Variants in DPF3 observed in about 807,000 individuals in gnomAD.
DPF3 encodes the protein zinc finger protein DPF3.
In DPF3, 18 loss-of-function variants were observed where a neutral mutation model predicts 56.8. The ratio of observed to expected loss-of-function variants is 0.32; its 90% confidence interval spans 0.22 to 0.47. DPF3 has a LOEUF of 0.47. DPF3 is among the 20% of genes least tolerant of loss of function. The pLI is 1.00. For synonymous variants in DPF3, 188 were observed against 180.2 expected, an observed-to-expected ratio of 1.04 and a Z score of -0.35; for missense variants, 403 against 488.8, an observed-to-expected ratio of 0.82 and a Z score of 1.65.
chr14:72,894,032 A>T (rs1486255114), intron 1 of DPF3, 25 bp downstream of exon 1: 1 of 1,609,498 alleles, frequency 6.2e-7, no homozygotes, highest in African/African-American at 1.3e-5. Flanking sequence ...CACGCGGAAT[A>T]TGTACATTTT....
At chr14:72,753,829 A>C (rs933754155) in intron 2 of DPF3, among the ~76,000 whole-genome samples, 1 of 152,074 alleles carries the variant, frequency 6.6e-6, no homozygotes, top group African/African-American at 2.4e-5. Flanking sequence ...AAGAGACAGA[A>C]CCAAAAACAC....
chr14:72,872,804 A>G (rs1322797979), intron 1 of DPF3, among the ~76,000 whole-genome samples: 1 of 152,244 alleles, frequency 6.6e-6, no homozygotes, highest in Non-Finnish European at 1.5e-5. Context: ...CAAACCTGAC[A>G]AAAACAAGCA....
At chr14:72,697,404 A>G (rs1350714041) in intron 6 of DPF3, among the ~76,000 whole-genome samples, 1 of 152,152 alleles carries the variant, frequency 6.6e-6, no homozygotes, top group Admixed American at 6.5e-5. Flanking sequence ...GGGACAGGAA[A>G]CTGGCTTGAG....
intron 8 of DPF3, among the ~76,000 whole-genome samples, chr14:72,636,812 C>T (rs1885397368): frequency 6.6e-6 from 1 of 152,148 alleles, no homozygotes; most frequent in African/African-American, 2.4e-5. Flanking sequence ...CTGAATGGCT[C>T]CCTTTTTCTC....
At chr14:72,861,737 GAGAAAGAAAGAAAGAAAGAAAGAA>G (rs35048401) in intron 1 of DPF3, among the ~76,000 whole-genome samples, 17 of 84,536 alleles carry the variant, frequency 2.0e-4, no homozygotes, top group South Asian at 4.3e-4. Context: ...AAGAAAGAAA[GAGAAAGAAAGAAAGAAAGAAAGAA>G]AGAAAGAAAG....
intron 8 of DPF3, chr14:72,669,909 G>T (rs79350196): frequency 6.1e-6 from 6 of 985,944 alleles, no homozygotes; most frequent in Admixed American, 6.1e-5. Context: ...AAATAGATAT[G>T]ATGGTTTTGC....
intron 7 of DPF3, among the ~76,000 whole-genome samples, chr14:72,688,128 G>A (rs1887491573): frequency 7.0e-6 from 1 of 142,996 alleles, no homozygotes; most frequent in Non-Finnish European, 1.5e-5. Flanking sequence ...ATGGGTGGAT[G>A]GATAGATGGA....
intron 6 of DPF3, among the ~76,000 whole-genome samples, chr14:72,703,703 A>G (rs535481456): frequency 6.6e-6 from 1 of 152,320 alleles, no homozygotes; most frequent in East Asian, 1.9e-4. Context: ...AACAAGGGCA[A>G]TAACAGTTTG....
At position 72,704,121 on chromosome 14, in the gene DPF3, T is replaced by C. The variant is rs769877274; in HGVS notation, c.604+10302A>G. On this transcript the variant is annotated intron_variant, in intron 6 of 10. Transcript: ENST00000556509. The stretch of plus-strand genomic sequence containing the variant: ...CTGAGGTCATGGCTAGGAAGTGACC[T>C]GGTAAAGATTCAAATCCTAGCTTTC... Among the ~76,000 whole-genome samples the C allele has an allele frequency of 9.5e-4, 145 of 152,282 alleles. 1 individual carries two copies. Among genetic ancestry groups the C allele is most frequent in the Middle Eastern group, 3.4e-3 (1 of 294 alleles).
chr14:72,692,843 TG>T (rs1269177127), intron 7 of DPF3, among the ~76,000 whole-genome samples: 1 of 152,116 alleles, frequency 6.6e-6, no homozygotes, highest in Non-Finnish European at 1.5e-5. Context: ...TTCCTTCCTC[TG>T]GGAGCAGAGC....
chr14:72,723,857 G>T (rs1430335602), intron 4 of DPF3, 129 bp from the exon 5 acceptor site: 2 of 859,240 alleles, frequency 2.3e-6, no homozygotes, highest in African/African-American at 3.5e-5. Context: ...GCCTTTGCTT[G>T]GGCAGTTGGG....
chr14:72,834,520 G>C (rs750212049), intron 1 of DPF3, among the ~76,000 whole-genome samples: 155 of 128,724 alleles, frequency 1.2e-3, no homozygotes, highest in Non-Finnish European at 1.6e-3. Flanking sequence ...AAAAAAATCA[G>C]ATACCACTTC....
chr14:72,700,725 G>A (rs545783813), intron 6 of DPF3, among the ~76,000 whole-genome samples: 8 of 152,194 alleles, frequency 5.3e-5, no homozygotes, highest in Non-Finnish European at 8.8e-5. Flanking sequence ...CTCTGCTGTT[G>A]ACTCTGTGAT....
intron 8 of DPF3, among the ~76,000 whole-genome samples, chr14:72,664,572 CCT>C (rs1886367138): frequency 6.6e-6 from 1 of 152,152 alleles, no homozygotes; most frequent in African/African-American, 2.4e-5. Context: ...CCTCCCCACC[CCT>C]GTCCTGACAT....
chr14:72,869,238 C>G (rs1316836455), intron 1 of DPF3, among the ~76,000 whole-genome samples: 5 of 152,204 alleles, frequency 3.3e-5, no homozygotes, highest in Non-Finnish European at 7.3e-5. Flanking sequence ...CCTGGACTTT[C>G]CAACTTAACA....
At chr14:72,795,761 C>A (rs1314265809) in intron 1 of DPF3, among the ~76,000 whole-genome samples, 1 of 152,156 alleles carries the variant, frequency 6.6e-6, no homozygotes, top group Non-Finnish European at 1.5e-5. Flanking sequence ...GATCTAGAGA[C>A]ATGATCAAAA....
intron 1 of DPF3, among the ~76,000 whole-genome samples, chr14:72,797,362 T>C (rs1299919157): frequency 6.6e-6 from 1 of 152,230 alleles, no homozygotes; most frequent in African/African-American, 2.4e-5. Context: ...AAATAAATGG[T>C]TGCTATTTGA....
intron 5 of DPF3, among the ~76,000 whole-genome samples, chr14:72,722,624 G>A (rs1023605457): frequency 6.6e-6 from 1 of 152,216 alleles, no homozygotes; most frequent in Non-Finnish European, 1.5e-5. Context: ...TTATCCGTGG[G>A]AGGGGTAAGA....
intron 1 of DPF3, chr14:72,892,534 T>TG (rs1277056809): frequency 7.2e-7 from 1 of 1,390,056 alleles, no homozygotes; most frequent in African/African-American, 1.5e-5. Context: ...GGCGACGAGC[T>TG]GGCGCAAACA....
Sources: allele counts gnomAD v4.1 joint callset (sites outside exome capture counted in the v4.1 genomes callset), GRCh38; gene constraint gnomAD v4.1.1; transcripts MANE v1.5; gene names NCBI Gene and HGNC (gene_info 2026-07-23, HGNC 2026-07-21).